Variants in RPS6KA5 observed in about 807,000 individuals in gnomAD.
RPS6KA5 encodes the protein ribosomal protein S6 kinase A5.
RPS6KA5 carries 27 observed loss-of-function variants against 85.5 expected under a neutral mutation model. The ratio of observed to expected loss-of-function variants is 0.32; its 90% CI spans 0.23 to 0.44. RPS6KA5 has a LOEUF of 0.44. Among genes scored for constraint, RPS6KA5 ranks in the 20% least tolerant of loss-of-function variants. RPS6KA5 has a pLI of 1.00. For synonymous variants in RPS6KA5, 334 were observed against 348.2 expected, an observed-to-expected ratio of 0.96 and a Z score of 0.46; for missense variants, 811 against 980.9, an observed-to-expected ratio of 0.83 and a Z score of 2.31.
rs189516916 is a variant in RPS6KA5, at chr14:91,015,708, T to C, written c.104-14549A>G. On this transcript the variant is annotated intron_variant, in intron 1 of 16. Coordinates refer to ENST00000614987, the MANE Select transcript of RPS6KA5 (RefSeq NM_004755.4). Reference sequence around the variant, plus strand: ...CTAACAGTGCCAATTTGGTTTCTATTAGCACAGAAATGTGGCAGCCTTACA... The same window carrying C: ...CTAACAGTGCCAATTTGGTTTCTATCAGCACAGAAATGTGGCAGCCTTACA... 3.0e-4 allele frequency among the ~76,000 whole-genome samples: 45 copies of C among 152,370 alleles called. 1 individual carries two copies. The highest frequency in any genetic ancestry group is 9.6e-4 in the African/African-American group (40 of 41,598).
In RPS6KA5 at chr14:90,871,367, G is replaced by C. The variant is rs2033098713; in HGVS notation, c.*707C>G. 6.6e-6 allele frequency: 1 copy of C among 152,428 alleles called. No individual in the cohort carries two copies. The highest frequency in any genetic ancestry group is 2.4e-5 in the African/African-American group (1 of 41,390). 9.4% of individuals were successfully genotyped at this position (152,428 alleles called of 1,614,324 possible). ...AGAGAGACATGTACCTTAATATTCT[G>C]CAATAACCATTAAAACAAATTGCCA... On this transcript the variant is annotated 3_prime_UTR_variant, in exon 17 of 17. Coordinates refer to ENST00000614987, the MANE Select transcript of RPS6KA5 (RefSeq NM_004755.4).
intron 1 of RPS6KA5, among the ~76,000 whole-genome samples, chr14:91,042,586 A>G (rs1216248319): frequency 6.6e-6 from 1 of 152,192 alleles, no homozygotes; most frequent in East Asian, 1.9e-4. Flanking sequence ...TTTTGGATAA[A>G]GAATTGCCTT....
intron 5 of RPS6KA5, among the ~76,000 whole-genome samples, chr14:90,938,938 T>C (rs2140342092): frequency 6.6e-6 from 1 of 152,370 alleles, no homozygotes; most frequent in Non-Finnish European, 1.5e-5. Context: ...TATGCAAATT[T>C]CTGCAGCTGG....
At chr14:91,045,204 C>T (rs1455933132) in intron 1 of RPS6KA5, among the ~76,000 whole-genome samples, 7 of 151,498 alleles carry the variant, frequency 4.6e-5, no homozygotes, top group African/African-American at 1.7e-4. Flanking sequence ...TCTTCAAACA[C>T]ACATTTGTTC....
chr14:91,038,144 G>A (rs1480584598), intron 1 of RPS6KA5, among the ~76,000 whole-genome samples: 1 of 152,072 alleles, frequency 6.6e-6, no homozygotes, highest in Admixed American at 6.5e-5. Flanking sequence ...CCTATCCAGA[G>A]GACTCAGGAA....
At chr14:91,054,559 C>T (rs2043228939) in intron 1 of RPS6KA5, among the ~76,000 whole-genome samples, 1 of 151,462 alleles carries the variant, frequency 6.6e-6, no homozygotes, top group South Asian at 2.1e-4. Context: ...ATTGCTGGAA[C>T]CCAGGAGGCA....
rs1029833434 is a variant in RPS6KA5 at position 90,853,622 on chromosome 14, G to C, written c.*18452C>G. On this transcript the variant is annotated 3_prime_UTR_variant, in exon 17 of 17. Coordinates refer to ENST00000614987, the MANE Select transcript of RPS6KA5 (RefSeq NM_004755.4). ...AGGCAGATCATCAGGGCAGGAGTTC[G>C]AGACCAGCCTGACCAACATGGTGAA... The C allele has an allele frequency of 7.0e-6, 1 of 142,722 alleles. No homozygotes were observed. The highest frequency in any genetic ancestry group is 1.5e-5 in the Non-Finnish European group (1 of 66,468). The allele number at this position is 142,722 out of a possible 1,614,324, so 8.8% of individuals were successfully genotyped here.
At chr14:90,966,607 G>T (rs564154101) in intron 3 of RPS6KA5, among the ~76,000 whole-genome samples, 1 of 152,252 alleles carries the variant, frequency 6.6e-6, no homozygotes, top group African/African-American at 2.4e-5. Context: ...TATTCTAAAA[G>T]CTAATTTACA....
At chr14:91,021,290 TAGATA>T (rs2041767148) in intron 1 of RPS6KA5, among the ~76,000 whole-genome samples, 1 of 152,136 alleles carries the variant, frequency 6.6e-6, no homozygotes, top group Admixed American at 6.5e-5. Context: ...TATTCCTGCT[TAGATA>T]TCTACCTATC....
chr14:91,031,750 C>T (rs902245683), intron 1 of RPS6KA5, among the ~76,000 whole-genome samples: 1 of 151,966 alleles, frequency 6.6e-6, no homozygotes, highest in South Asian at 2.1e-4. Context: ...AAACACTTGG[C>T]CCCACAATGA....
intron 1 of RPS6KA5, among the ~76,000 whole-genome samples, chr14:91,044,372 AGAAG>A (rs772912712): frequency 0.028 from 779 of 28,288 alleles, 23 homozygotes; most frequent in East Asian, 0.11. Flanking sequence ...AGAGAAAGAA[AGAAG>A]GAAAGAAAGA....
chr14:90,931,619 A>G (rs1189352219), intron 5 of RPS6KA5, among the ~76,000 whole-genome samples: 3 of 152,196 alleles, frequency 2.0e-5, no homozygotes, highest in Admixed American at 6.5e-5. Context: ...GGCAAAAAAG[A>G]TCATTAAACA....
At chr14:90,974,037 CAA>C (rs56212923) in intron 3 of RPS6KA5, among the ~76,000 whole-genome samples, 1,508 of 61,340 alleles carry the variant, frequency 0.025, 21 homozygotes, top group African/African-American at 0.087. Flanking sequence ...GACTCCATCT[CAA>C]AAAAAAAAAA....
At chr14:90,919,338 C>T (rs1195998465) in intron 7 of RPS6KA5, among the ~76,000 whole-genome samples, 3 of 152,172 alleles carry the variant, frequency 2.0e-5, no homozygotes, top group Non-Finnish European at 2.9e-5. Context: ...TGTCCAATGT[C>T]TTCAAATCTG....
At chr14:90,929,520 A>G (rs2036859917) in intron 5 of RPS6KA5, among the ~76,000 whole-genome samples, 1 of 152,206 alleles carries the variant, frequency 6.6e-6, no homozygotes, top group Admixed American at 6.5e-5. Context: ...TAATTGAAAC[A>G]AAATGTATAA....
chr14:90,939,473 A>G (rs1343510455), intron 5 of RPS6KA5, among the ~76,000 whole-genome samples: 1 of 152,150 alleles, frequency 6.6e-6, no homozygotes, highest in Admixed American at 6.5e-5. Context: ...CTGTTTTCAT[A>G]CTGCTGATAA....
intron 2 of RPS6KA5, among the ~76,000 whole-genome samples, chr14:90,981,076 CA>C (rs2039771201): frequency 6.6e-6 from 1 of 152,190 alleles, no homozygotes; most frequent in Non-Finnish European, 1.5e-5. Context: ...GAGGCTGAGG[CA>C]GGAGAATTGC....
intron 4 of RPS6KA5, among the ~76,000 whole-genome samples, chr14:90,946,202 GA>G (rs1479049331): frequency 2.0e-5 from 3 of 152,060 alleles, no homozygotes; most frequent in East Asian, 1.9e-4. Flanking sequence ...ATAATTCCAT[GA>G]AAAGAAGTCC....
chr14:90,962,666 C>T lies in RPS6KA5; in HGVS notation c.395-15116G>A, dbSNP rs186660355. ...CAGTATGAACCCTGGGCGGTTTTCT[C>T]GAAAAAAGTACTGTACCTTTAACGT... On this transcript the variant is annotated intron_variant, in intron 3 of 16. Transcript: ENST00000614987. Among the ~76,000 whole-genome samples the T allele has an allele frequency of 3.2e-4, 49 of 151,508 alleles. 1 individual carries two copies. In the East Asian group the frequency reaches 3.5e-3, roughly 11 times the overall value.
Sources: gnomAD v4.1 joint callset for allele counts (sites outside exome capture counted in the v4.1 genomes callset) on GRCh38, gnomAD v4.1.1 for gene constraint, MANE v1.5 for transcripts, NCBI Gene and HGNC (gene_info 2026-07-23, HGNC 2026-07-21) for gene names.